SH3BP1: variants seen among roughly 807,000 people sequenced by gnomAD.
The protein encoded by SH3BP1 is SH3 domain-binding protein 1.
A neutral mutation model predicts 69.8 loss-of-function variants in SH3BP1; 46 were observed. The ratio of observed to expected loss-of-function variants is 0.66; its 90% CI spans 0.52 to 0.84. The LOEUF (loss-of-function observed/expected upper bound fraction) is 0.84. Among genes scored for constraint, SH3BP1 ranks in the 40% least tolerant of loss-of-function variants. The pLI is 0.00. For missense variants in SH3BP1, 868 were observed against 930.9 expected, an observed-to-expected ratio of 0.93 and a Z score of 0.88; for synonymous variants, 403 against 378.0, an observed-to-expected ratio of 1.07 and a Z score of -0.77.
intron 3 of SH3BP1, chr22:37,641,973 CT>C (rs1005057510): frequency 2.3e-5 from 4 of 174,838 alleles, no homozygotes; most frequent in Non-Finnish European, 5.0e-5. Flanking sequence ...GATAAAGTCA[CT>C]TGTCCAAGGT....
chr22:37,646,613 C>T (rs184746666), intron 10 of SH3BP1, among the ~76,000 whole-genome samples: 1 of 152,202 alleles, frequency 6.6e-6, no homozygotes, highest in African/African-American at 2.4e-5. Flanking sequence ...CGCCTCCTCC[C>T]AGACTTCCCA....
chr22:37,655,576 G>A lies in SH3BP1; in HGVS notation c.1998G>A (p.Gly666=). ...GTAACCCTGCACAGGTGGACCTGGG[G>A]GCTGCCACAGCAGAGGGAGGAGCCC... is the stretch of plus-strand genomic sequence containing the variant. ...SLSNPAQVDL[G]AATAEGGAPE... The change falls in exon 18 of 18, where the codon GGG becomes GGA. Residue 666 remains glycine (G), a synonymous_variant. Coordinates refer to ENST00000649765, the MANE Select transcript of SH3BP1 (RefSeq NM_018957.6). 6.3e-7 allele frequency: 1 copy of A among 1,593,614 alleles called. No homozygotes were observed. The highest frequency in any genetic ancestry group is 1.7e-4 in the Middle Eastern group (1 of 5,990).
chr22:37,641,037 C>CCTG, intron 1 of SH3BP1, 89 bp from the exon 2 acceptor site: 1 of 912,258 alleles, frequency 1.1e-6, no homozygotes, highest in Non-Finnish European at 1.8e-6. Flanking sequence ...GTCCAGGTGC[C>CCTG]CTGCTGCGGG....
chr22:37,648,715 T>G (rs1188265342), intron 14 of SH3BP1: 4 of 345,552 alleles, frequency 1.2e-5, no homozygotes, highest in African/African-American at 8.6e-5. Flanking sequence ...TTTTTTTTTT[T>G]TTTTTGAGAT....
rs1158883417 is a variant in SH3BP1, at chr22:37,656,091, GC to G, written c.*409del. ...TATTTTCTGTCCTTGAAATAAAGAA[GC>G]CAATTTTATAAAGGGGAAAACAATA... On this transcript the variant is annotated 3_prime_UTR_variant, in exon 18 of 18. Transcript: ENST00000649765. 8 of 1,282,670 alleles carry G rather than the reference GC, an allele frequency of 6.2e-6. No homozygotes were observed. The highest frequency in any genetic ancestry group is 5.1e-5 in the East Asian group (1 of 19,800). The allele number at this position is 1,282,670 out of a possible 1,614,324, so 79.5% of individuals were successfully genotyped here.
At chr22:37,654,527 C>T (rs113829142) in intron 17 of SH3BP1, among the ~76,000 whole-genome samples, 10,049 of 151,494 alleles carry the variant, frequency 0.066, 391 homozygotes, top group South Asian at 0.12. Context: ...GCAAAGATCA[C>T]GCCACTGCAC....
At position 37,644,888 on chromosome 22, in the gene SH3BP1, G is replaced by A. The variant is rs188125627; in HGVS notation, c.706G>A (p.Asp236Asn). The change falls in exon 9 of 18, where the codon GAT (aspartate) becomes AAT (asparagine). Residue 236 changes from aspartate to asparagine, a missense_variant. Physicochemically the swap from Asp to Asn is conservative, Grantham distance 23 (BLOSUM62 1). Transcript: ENST00000649765. ...CCCACAGCTCCTGGAGATTCAGGCC[G>A]ATTACCATCGCAGGTCACTGAGCTC... is the stretch of plus-strand genomic sequence containing the variant. ...YFIRLLEIQA[D>N]YHRRSLSSLD... The A allele has an allele frequency of 1.9e-5, 30 of 1,614,012 alleles. No homozygotes were observed. The highest frequency in any genetic ancestry group is 5.5e-5 in the South Asian group (5 of 91,072).
chr22:37,642,400 T>A (rs936820543), intron 3 of SH3BP1, 139 bp from the exon 4 acceptor site: 21 of 738,532 alleles, frequency 2.8e-5, no homozygotes, highest in Non-Finnish European at 4.6e-5. Flanking sequence ...CCACCACGCC[T>A]TGTCATCTTG....
At chr22:37,645,283 T>G (rs1932763543) in intron 9 of SH3BP1, 82 bp from the exon 10 acceptor site, 26 of 1,513,310 alleles carry the variant, frequency 1.7e-5, no homozygotes, top group Non-Finnish European at 2.0e-5. Flanking sequence ...GGTACCACCT[T>G]GAGGACATGA....
In SH3BP1 at chr22:37,647,373, G is replaced by A. The variant is rs373664955; in HGVS notation, c.1118+25G>A. 6.2e-6 allele frequency: 10 copies of A among 1,613,172 alleles called. No homozygotes were observed. In the African/African-American group the frequency reaches 1.3e-4, roughly 22 times the overall value. ...GGTGAGGATGTTGGAGGAGGGAGGGGATGGGGAGGAGGAGGATGCAAAGGT... is the reference window on the plus strand; with the variant it reads ...GGTGAGGATGTTGGAGGAGGGAGGGAATGGGGAGGAGGAGGATGCAAAGGT... On this transcript the variant is annotated intron_variant, in intron 12 of 17. Transcript: ENST00000649765.
rs1363262304 is a variant in SH3BP1, at chr22:37,643,194, A to G, written c.473+20A>G. The G allele has an allele frequency of 6.3e-7, 1 of 1,591,618 alleles. No homozygotes were observed. Among genetic ancestry groups the G allele is most frequent in the Non-Finnish European group, 8.6e-7 (1 of 1,166,442 alleles). ...GAGCAGGTGGGAGCCCCAGCCGCTC[A>G]GGGGGCTCATATCTGGGTCAGCCCA... is the stretch of plus-strand genomic sequence containing the variant. On this transcript the variant is annotated intron_variant, in intron 6 of 17. Transcript: ENST00000649765.
At chr22:37,642,825 G>GCC in intron 4 of SH3BP1, 70 bp from the exon 5 acceptor site, 1 of 1,591,004 alleles carries the variant, frequency 6.3e-7, no homozygotes, top group Non-Finnish European at 8.6e-7. Flanking sequence ...GGGAGGAGAG[G>GCC]CCCCACCAAG....
At chr22:37,639,926 T>TGGGGGGTGAGGGGGGG in intron 1 of SH3BP1, 80 bp downstream of exon 1, 3 of 496,946 alleles carry the variant, frequency 6.0e-6, no homozygotes, top group Non-Finnish European at 1.1e-5. Flanking sequence ...GAGACGGGGG[T>TGGGGGGTGAGGGGGGG]GGGGGAGGCT....
chr22:37,652,537 G>A (rs1418722303), intron 16 of SH3BP1, among the ~76,000 whole-genome samples: 2 of 150,576 alleles, frequency 1.3e-5, no homozygotes, highest in Admixed American at 1.3e-4. Context: ...TTCTCAAAAA[G>A]AAATGGCCAG....
At chr22:37,641,766 G>A (rs766836370) in intron 3 of SH3BP1, 7 of 377,402 alleles carry the variant, frequency 1.9e-5, no homozygotes, top group Non-Finnish European at 3.4e-5. Context: ...TGTCAATGGG[G>A]CGGCCTCAGA....
chr22:37,641,041 C>A, intron 1 of SH3BP1, 85 bp from the exon 2 acceptor site: 1 of 942,868 alleles, frequency 1.1e-6, no homozygotes, highest in Non-Finnish European at 1.7e-6. Context: ...AGGTGCCCTG[C>A]TGCGGGGAAG....
At chr22:37,651,632 C>T (rs1272276707) in intron 16 of SH3BP1, among the ~76,000 whole-genome samples, 6 of 151,964 alleles carry the variant, frequency 3.9e-5, no homozygotes, top group African/African-American at 9.7e-5. Flanking sequence ...GCTTGGCCAC[C>T]GTCTTCTCTT....
In SH3BP1 at chr22:37,644,568, C is replaced by T. The variant is rs1478228901; in HGVS notation, c.619-69C>T. 3.6e-5 allele frequency: 54 copies of T among 1,506,342 alleles called. No individual in the cohort carries two copies. In the East Asian group the frequency reaches 1.1e-3, roughly 32 times the overall value. 93.3% of individuals were successfully genotyped at this position (1,506,342 alleles called of 1,614,324 possible). Reference sequence around the variant, plus strand: ...GCCTGGGGGAGGTCACCAACCCTTCCAAGCCTCCTCTTCCCCTCTAGACCC... The same window carrying T: ...GCCTGGGGGAGGTCACCAACCCTTCTAAGCCTCCTCTTCCCCTCTAGACCC... On this transcript the variant is annotated intron_variant, in intron 7 of 17. Transcript: ENST00000649765.
intron 17 of SH3BP1, among the ~76,000 whole-genome samples, chr22:37,654,221 C>T (rs772559269): frequency 6.6e-6 from 1 of 152,120 alleles, no homozygotes; most frequent in Non-Finnish European, 1.5e-5. Flanking sequence ...ACTGGAGTCC[C>T]GTCCCTCCAG....
Sources: gnomAD v4.1 joint callset for allele counts (sites outside exome capture counted in the v4.1 genomes callset) on GRCh38, gnomAD v4.1.1 for gene constraint, MANE v1.5 for transcripts, NCBI Gene and HGNC (gene_info 2026-07-23, HGNC 2026-07-21) for gene names.